The following TCERG1L variants were observed in gnomAD, a reference collection of about 807,000 sequenced individuals.
TCERG1L encodes the protein transcription elongation regulator 1-like protein.
Under a neutral mutation model 56.3 loss-of-function variants are expected in TCERG1L, and 37 were observed. The observed-to-expected ratio is 0.66, with a 90% CI of 0.51 to 0.87. The LOEUF is 0.87. Ranked by LOEUF, TCERG1L falls within the 40% of genes least tolerant of loss-of-function variation. The pLI, the probability that TCERG1L is intolerant of heterozygous loss-of-function variation, is 0.00. For missense variants in TCERG1L, 799 were observed against 774.2 expected, an observed-to-expected ratio of 1.03 and a Z score of -0.38; for synonymous variants, 324 against 326.3, an observed-to-expected ratio of 0.99 and a Z score of 0.08.
At chr10:131,093,339 TGAGA>T in intron 11 of TCERG1L, 21 bp from the exon 12 acceptor site, 2 of 1,611,352 alleles carry the variant, frequency 1.2e-6, no homozygotes, top group Non-Finnish European at 1.7e-6. Context: ...AAGAGTTTCC[TGAGA>T]CACCTTCCAG....
Position 131,173,632 on chromosome 10 carries a change from C to T in TCERG1L, c.857-6747G>A, listed in dbSNP as rs186493778. On this transcript the variant is annotated intron_variant, in intron 4 of 11. Transcript: ENST00000368642. ...AAGAGTTGCCAGCCCCGGCGCAAGG[C>T]GGAAGCAGGAGAGACATAGATTTCA... is the stretch of plus-strand genomic sequence containing the variant. Among the ~76,000 whole-genome samples the T allele has an allele frequency of 3.4e-3, 521 of 152,300 alleles. 1 individual carries two copies. The highest frequency in any genetic ancestry group is 6.8e-3 in the Middle Eastern group (2 of 294).
At chr10:131,250,429 C>CTTTTCTTATTTATGCTTCTCCACT (rs1554896704) in intron 4 of TCERG1L, among the ~76,000 whole-genome samples, 2 of 90,578 alleles carry the variant, frequency 2.2e-5, no homozygotes, top group African/African-American at 1.2e-4. Flanking sequence ...CACTTCTTTC[C>CTTTTCTTATTTATGCTTCTCCACT]TCGGGGTTCT....
intron 4 of TCERG1L, among the ~76,000 whole-genome samples, chr10:131,207,984 G>A (rs886752067): frequency 1.1e-4 from 17 of 152,086 alleles, no homozygotes; most frequent in South Asian, 6.2e-4. Context: ...AAGGTTCCCC[G>A]AACTCCACTT....
chr10:131,142,375 T>C (rs770595871), intron 7 of TCERG1L, among the ~76,000 whole-genome samples: 1 of 152,230 alleles, frequency 6.6e-6, no homozygotes, highest in Non-Finnish European at 1.5e-5. Context: ...AGATCCAGTG[T>C]GCGCTGTCTT....
At chr10:131,149,235 G>A (rs1050097486) in intron 6 of TCERG1L, among the ~76,000 whole-genome samples, 7 of 152,236 alleles carry the variant, frequency 4.6e-5, no homozygotes, top group African/African-American at 1.2e-4. Context: ...TCAGGGGAGC[G>A]GGCTCATGGG....
At chr10:131,143,322 C>T (rs1845757759) in intron 7 of TCERG1L, among the ~76,000 whole-genome samples, 1 of 152,112 alleles carries the variant, frequency 6.6e-6, no homozygotes, top group African/African-American at 2.4e-5. Context: ...CACTTCTTAC[C>T]CCAGGGCTCC....
intron 1 of TCERG1L, among the ~76,000 whole-genome samples, chr10:131,310,586 G>T (rs575761976): frequency 3.3e-5 from 5 of 152,150 alleles, no homozygotes; most frequent in Non-Finnish European, 7.4e-5. Context: ...AAACCAGCCC[G>T]CCTAGCTCTG....
chr10:131,107,916 C>A (rs1845369694), intron 9 of TCERG1L, among the ~76,000 whole-genome samples: 1 of 151,784 alleles, frequency 6.6e-6, no homozygotes, highest in Non-Finnish European at 1.5e-5. Flanking sequence ...CACATACGCA[C>A]AAAGATGCAC....
intron 8 of TCERG1L, among the ~76,000 whole-genome samples, chr10:131,121,747 T>C (rs972837152): frequency 2.0e-5 from 3 of 151,000 alleles, no homozygotes; most frequent in Non-Finnish European, 4.4e-5. Flanking sequence ...TATAGTCTTG[T>C]CTCAGTCTGC....
chr10:131,300,833 A>C (rs1218744141), intron 3 of TCERG1L, among the ~76,000 whole-genome samples: 4 of 150,670 alleles, frequency 2.7e-5, no homozygotes, highest in Non-Finnish European at 5.9e-5. Flanking sequence ...AATACGGTTT[A>C]CTCCTGGGAA....
At chr10:131,257,423 G>A (rs560722886) in intron 4 of TCERG1L, among the ~76,000 whole-genome samples, 93 of 152,216 alleles carry the variant, frequency 6.1e-4, no homozygotes, top group Non-Finnish European at 1.1e-3. Flanking sequence ...TCTTAGGTAA[G>A]CTAAATCTAG....
chr10:131,104,576 C>A (rs1450296287), intron 9 of TCERG1L, among the ~76,000 whole-genome samples: 1 of 152,198 alleles, frequency 6.6e-6, no homozygotes, highest in Non-Finnish European at 1.5e-5. Context: ...ATGACTATTT[C>A]TTTCTTGGGT....
At chr10:131,151,669 T>C (rs1047545627) in intron 6 of TCERG1L, among the ~76,000 whole-genome samples, 27 of 152,182 alleles carry the variant, frequency 1.8e-4, no homozygotes, top group African/African-American at 6.5e-4. Context: ...AATGGCCTTC[T>C]TCTCACAGCT....
chr10:131,226,603 C>T (rs760129465), intron 4 of TCERG1L, among the ~76,000 whole-genome samples: 1 of 152,186 alleles, frequency 6.6e-6, no homozygotes, highest in Non-Finnish European at 1.5e-5. Flanking sequence ...TAATAAGCCA[C>T]TGAAGGAAGG....
intron 3 of TCERG1L, among the ~76,000 whole-genome samples, chr10:131,298,042 T>A (rs923374145): frequency 9.2e-5 from 14 of 152,092 alleles, no homozygotes; most frequent in African/African-American, 3.1e-4. Context: ...TTCTGTTTTT[T>A]AATTTTTTAA....
chr10:131,104,880 C>A (rs1021869096), intron 9 of TCERG1L, among the ~76,000 whole-genome samples: 1 of 152,244 alleles, frequency 6.6e-6, no homozygotes, highest in South Asian at 2.1e-4. Context: ...TACTCATACC[C>A]AGTTTCTCAC....
intron 6 of TCERG1L, among the ~76,000 whole-genome samples, chr10:131,150,089 T>C (rs1427068863): frequency 6.6e-6 from 1 of 152,214 alleles, no homozygotes; most frequent in Non-Finnish European, 1.5e-5. Context: ...TGTTCCTCTC[T>C]AGCAACTTAA....
At chr10:131,142,396 C>T (rs78448234) in intron 7 of TCERG1L, among the ~76,000 whole-genome samples, 7,236 of 152,310 alleles carry the variant, frequency 0.048, 237 homozygotes, top group South Asian at 0.19. Flanking sequence ...CTCTGACAAA[C>T]TCAGGAAAGT....
intron 9 of TCERG1L, among the ~76,000 whole-genome samples, chr10:131,106,012 G>C (rs2133382906): frequency 6.6e-6 from 1 of 152,274 alleles, no homozygotes; most frequent in African/African-American, 2.4e-5. Context: ...CCTTGAATCA[G>C]TCAATTCTCC....
Sources: allele counts gnomAD v4.1 joint callset (sites outside exome capture counted in the v4.1 genomes callset), GRCh38; gene constraint gnomAD v4.1.1; transcripts MANE v1.5; gene names NCBI Gene and HGNC (gene_info 2026-07-23, HGNC 2026-07-21).